ZFAT: variants seen among roughly 807,000 people sequenced by gnomAD.
The protein encoded by ZFAT is zinc finger and AT-hook domain containing, also known as zinc finger protein ZFAT.
ZFAT carries 64 observed loss-of-function variants against 117.7 expected under a neutral mutation model. The ratio of observed to expected loss-of-function variants is 0.54; its 90% CI spans 0.44 to 0.67. The LOEUF is 0.67. ZFAT is among the 30% of genes least tolerant of loss of function. The pLI is 0.00. For synonymous variants in ZFAT, 679 were observed against 615.0 expected (o/e 1.10, Z -1.54); for missense variants, 1,433 against 1,584.5 (o/e 0.90, Z 1.62).
intron 10 of ZFAT, among the ~76,000 whole-genome samples, chr8:134,579,060 A>T (rs867081598): frequency 4.1e-4 from 63 of 152,360 alleles, no homozygotes; most frequent in African/African-American, 1.5e-3. Flanking sequence ...CAATCTCTTT[A>T]CAAACTTTGG....
intron 11 of ZFAT, among the ~76,000 whole-genome samples, chr8:134,542,208 C>G (rs1421081113): frequency 3.3e-5 from 5 of 152,250 alleles, no homozygotes; most frequent in Admixed American, 3.3e-4. Flanking sequence ...TTCCCTCAGG[C>G]AGCTGTGTCC....
chr8:134,716,180 C>CATATAT (rs1219904981), upstream of ZFAT, among the ~76,000 whole-genome samples: 10 of 137,376 alleles, frequency 7.3e-5, no homozygotes, highest in African/African-American at 2.6e-4. Flanking sequence ...CACACACACA[C>CATATAT]ACATATATAT....
intron 9 of ZFAT, among the ~76,000 whole-genome samples, chr8:134,585,821 G>C (rs1162824643): frequency 6.6e-6 from 1 of 152,172 alleles, no homozygotes; most frequent in Admixed American, 6.5e-5. Flanking sequence ...CTGCTGTAGT[G>C]GATGGGTCCC....
chr8:134,573,472 A>AG (rs1825085167), intron 10 of ZFAT, among the ~76,000 whole-genome samples: 1 of 152,174 alleles, frequency 6.6e-6, no homozygotes, highest in Non-Finnish European at 1.5e-5. Context: ...GTGGAGGGAA[A>AG]GGGATCCCAT....
intron 1 of ZFAT, among the ~76,000 whole-genome samples, chr8:134,671,112 T>C (rs1832540765): frequency 6.6e-6 from 1 of 152,136 alleles, no homozygotes; most frequent in Non-Finnish European, 1.5e-5. Flanking sequence ...CAATAATTAA[T>C]AGCATACCAA....
At chr8:134,803,230 T>C in the ZFAT span, among the ~76,000 whole-genome samples, 2 of 152,194 alleles carry the variant, frequency 1.3e-5, no homozygotes, top group Non-Finnish European at 2.9e-5. Flanking sequence ...ACTGCATAAA[T>C]TATGCATCCA....
the ZFAT span, among the ~76,000 whole-genome samples, chr8:134,789,520 T>G: frequency 2.4e-4 from 36 of 152,220 alleles, no homozygotes; most frequent in Middle Eastern, 3.2e-3. Context: ...TCAAAAGTCT[T>G]AATTTTGCCA....
the ZFAT span, among the ~76,000 whole-genome samples, chr8:134,823,635 G>C: frequency 6.6e-6 from 1 of 152,178 alleles, no homozygotes; most frequent in Admixed American, 6.5e-5. Context: ...TCTACCTTTA[G>C]AGTTGGTATT....
the ZFAT span, among the ~76,000 whole-genome samples, chr8:134,718,955 G>A: frequency 9.0e-4 from 137 of 152,260 alleles, no homozygotes; most frequent in African/African-American, 2.9e-3. Flanking sequence ...GCAGAGACCC[G>A]GGGTGTGCTC....
chr8:134,801,128 T>G, the ZFAT span, among the ~76,000 whole-genome samples: 1 of 152,138 alleles, frequency 6.6e-6, no homozygotes, highest in Non-Finnish European at 1.5e-5. Context: ...AGACAGTTAA[T>G]GAAACACTGT....
upstream of ZFAT, among the ~76,000 whole-genome samples, chr8:134,714,141 C>T (rs140090093): frequency 8.7e-6 from 1 of 114,490 alleles, no homozygotes; most frequent in Non-Finnish European, 1.7e-5. Context: ...AGTGTAAAAG[C>T]AGACTTCAGG....
chr8:134,522,936 T>G (rs1393175619), intron 12 of ZFAT, among the ~76,000 whole-genome samples: 1 of 152,200 alleles, frequency 6.6e-6, no homozygotes, highest in Non-Finnish European at 1.5e-5. Flanking sequence ...CAGACCTTCC[T>G]GTACTATACA....
chr8:134,754,527 A>G, the ZFAT span, among the ~76,000 whole-genome samples: 2 of 152,228 alleles, frequency 1.3e-5, no homozygotes, highest in African/African-American at 4.8e-5. Context: ...GCCCCTTCCC[A>G]GCTATGTCTT....
At chr8:134,528,028 C>T (rs910369634) in intron 12 of ZFAT, among the ~76,000 whole-genome samples, 1 of 152,212 alleles carries the variant, frequency 6.6e-6, no homozygotes, top group Admixed American at 6.5e-5. Context: ...ACTTTTCCAC[C>T]AACTACCAGC....
chr8:134,726,049 T>C, the ZFAT span, among the ~76,000 whole-genome samples: 2 of 152,236 alleles, frequency 1.3e-5, no homozygotes, highest in East Asian at 1.9e-4. Context: ...GTGGGTACAA[T>C]GTGAGTGAAA....
the ZFAT span, among the ~76,000 whole-genome samples, chr8:134,741,484 A>G: frequency 1.3e-5 from 2 of 151,962 alleles, no homozygotes; most frequent in Non-Finnish European, 2.9e-5. Context: ...CCGTTTTCAC[A>G]TTTCCTTTCC....
At chr8:134,788,536 T>C in the ZFAT span, among the ~76,000 whole-genome samples, 4 of 152,082 alleles carry the variant, frequency 2.6e-5, no homozygotes, top group African/African-American at 9.7e-5. Context: ...ATAGGGTAAA[T>C]TTTGATAAAT....
At chr8:134,529,775 G>A (rs74644801) in intron 12 of ZFAT, among the ~76,000 whole-genome samples, 1 of 152,298 alleles carries the variant, frequency 6.6e-6, no homozygotes, top group South Asian at 2.1e-4. Context: ...CATGGTAGAA[G>A]TATTTACACT....
the ZFAT span, among the ~76,000 whole-genome samples, chr8:134,826,334 T>C: frequency 1.3e-5 from 2 of 152,224 alleles, no homozygotes; most frequent in South Asian, 2.1e-4. Flanking sequence ...AGGACTACCA[T>C]ATAATCACGA....
Sources: allele counts gnomAD v4.1 joint callset (sites outside exome capture counted in the v4.1 genomes callset), GRCh38; gene constraint gnomAD v4.1.1; transcripts MANE v1.5; gene names NCBI Gene and HGNC (gene_info 2026-07-23, HGNC 2026-07-21).